CDK5RAP2: variants seen among roughly 807,000 people sequenced by gnomAD.
The protein encoded by CDK5RAP2 is CDK5 regulatory subunit associated protein 2, also known as CDK5 regulatory subunit-associated protein 2.
Under a neutral mutation model 232.9 loss-of-function variants are expected in CDK5RAP2, and 147 were observed. That is an observed-to-expected ratio of 0.63 (90% confidence interval 0.55 to 0.72). The LOEUF (loss-of-function observed/expected upper bound fraction) is 0.72, where lower values mean the gene tolerates loss of function less well. CDK5RAP2 is among the 30% of genes least tolerant of loss of function. The probability of loss-of-function intolerance (pLI) is 0.00; values close to 1 mark genes in which losing one functional copy is unlikely to be tolerated. For synonymous variants in CDK5RAP2, 833 were observed against 833.7 expected (o/e 1.00, Z 0.01); for missense variants, 2,195 against 2,231.5 (o/e 0.98, Z 0.33).
Position 120,539,106 on chromosome 9 carries a change from C to G in CDK5RAP2, c.442G>C (p.Asp148His), listed in dbSNP as rs191076951. ...ACCTGCTGCACCTTCTTTCGAGCAT[C>G]TTCTTTCACCCGCTGGATTTCAGAG... is the stretch of plus-strand genomic sequence containing the variant. ...GGSEIQRVKE[D>H]ARKKVQQVED... Residue 148 changes from aspartate (D) to histidine (H), a missense_variant, in exon 6 of 38, where the codon GAT (aspartate) becomes CAT (histidine). By Grantham distance (81) the Asp-to-His change is moderately conservative. Coordinates refer to ENST00000349780, the MANE Select transcript of CDK5RAP2 (RefSeq NM_018249.6). The G allele has an allele frequency of 6.2e-6, 10 of 1,614,064 alleles. No homozygotes were observed. In the East Asian group the frequency reaches 2.0e-4, roughly 32 times the overall value.
At chr9:120,418,753 G>A (rs985831545) in intron 27 of CDK5RAP2, among the ~76,000 whole-genome samples, 2 of 152,150 alleles carry the variant, frequency 1.3e-5, no homozygotes, top group Admixed American at 6.5e-5. Flanking sequence ...CCTCAGTTAC[G>A]CCAACAATGT....
rs774351947 is a variant in CDK5RAP2, at chr9:120,568,345, T to C, written c.171A>G (p.Ala57=). ...CATTTTCAAAGTCCTTCATGTTCCGTGCTCTGGTGGGAGACACTGTTTCTT... is the reference window on the plus strand; with the variant it reads ...CATTTTCAAAGTCCTTCATGTTCCGCGCTCTGGTGGGAGACACTGTTTCTT... The part of the protein sequence containing the change: ...VSEETVSPTR[A]RNMKDFENQI... The change falls in exon 3 of 38, where the codon GCA becomes GCG. Residue 57 remains alanine, a synonymous_variant. Coordinates refer to ENST00000349780, the MANE Select transcript of CDK5RAP2 (RefSeq NM_018249.6). The C allele has an allele frequency of 6.2e-7, 1 of 1,613,884 alleles. No individual in the cohort carries two copies. The highest frequency in any genetic ancestry group is 2.2e-5 in the East Asian group (1 of 44,892).
At chr9:120,392,170 T>C (rs2032046975) in intron 36 of CDK5RAP2, among the ~76,000 whole-genome samples, 1 of 152,182 alleles carries the variant, frequency 6.6e-6, no homozygotes. Context: ...GAGACTGTGC[T>C]AAGTACAATA....
At chr9:120,570,502 G>A (rs1410048356) in intron 2 of CDK5RAP2, among the ~76,000 whole-genome samples, 2 of 152,134 alleles carry the variant, frequency 1.3e-5, no homozygotes, top group Non-Finnish European at 2.9e-5. Flanking sequence ...TTAGCACTGA[G>A]CCCAGAGTCT....
intron 15 of CDK5RAP2, among the ~76,000 whole-genome samples, chr9:120,474,637 G>A (rs1463542398): frequency 6.6e-6 from 1 of 152,184 alleles, no homozygotes; most frequent in Non-Finnish European, 1.5e-5. Context: ...CCTTCACTGC[G>A]GAACACCGGG....
rs1298155067 is a variant in CDK5RAP2 at position 120,539,173 on chromosome 9, A to G, written c.384-9T>C. 1 of 1,613,854 alleles carries G rather than the reference A, an allele frequency of 6.2e-7. No homozygotes were observed. Among genetic ancestry groups the G allele is most frequent in the South Asian group, 1.1e-5 (1 of 91,076 alleles). On this transcript the variant is annotated splice_polypyrimidine_tract_variant and intron_variant, in intron 5 of 37. Transcript: ENST00000349780. ...AGCTCTCAACTGCTTTGCTGCAAAA[A>G]GAGGCACAGGGGTAAAACATGCAAG... is the stretch of plus-strand genomic sequence containing the variant.
chr9:120,408,040 A>T (rs2033597640), intron 31 of CDK5RAP2: 1 of 409,528 alleles, frequency 2.4e-6, no homozygotes, highest in African/African-American at 2.0e-5. Context: ...GTGCTGAGAG[A>T]CATGTTTTAC....
At chr9:120,414,819 C>T (rs1216703364) in intron 28 of CDK5RAP2, among the ~76,000 whole-genome samples, 2 of 152,240 alleles carry the variant, frequency 1.3e-5, no homozygotes, top group East Asian at 1.9e-4. Context: ...CAATATATTG[C>T]TTTGTTTTAT....
At chr9:120,484,374 T>C (rs1385349520) in intron 14 of CDK5RAP2, among the ~76,000 whole-genome samples, 5 of 152,210 alleles carry the variant, frequency 3.3e-5, no homozygotes, top group Non-Finnish European at 7.3e-5. Flanking sequence ...AAATTTACAA[T>C]TCTTAAGTGA....
intron 6 of CDK5RAP2, chr9:120,536,767 T>G: frequency 1.8e-6 from 1 of 560,016 alleles, no homozygotes; most frequent in Non-Finnish European, 3.2e-6. Flanking sequence ...AAGAACTGTA[T>G]TTTTGGTTTT....
intron 34 of CDK5RAP2, among the ~76,000 whole-genome samples, chr9:120,401,454 A>T (rs986856126): frequency 7.2e-5 from 11 of 152,000 alleles, no homozygotes; most frequent in Non-Finnish European, 1.2e-4. Flanking sequence ...TCTACAAAAA[A>T]ATAAAAAATT....
chr9:120,437,366 G>A lies in CDK5RAP2; in HGVS notation c.3884C>T (p.Ala1295Val). 1 of 1,614,052 alleles carries A rather than the reference G, an allele frequency of 6.2e-7. No individual in the cohort carries two copies. The highest frequency in any genetic ancestry group is 8.5e-7 in the Non-Finnish European group (1 of 1,179,984). ...LQASDVDYCV[A>V]EGFQEQLNQC... ...ATTCAGCTGTTCCTGGAAACCCTCG[G>A]CCACACAGTAATCCACATCACTGGC... is the stretch of plus-strand genomic sequence containing the variant. The change falls in exon 25 of 38, where the codon GCC becomes GTC. Residue 1295 changes from alanine (A) to valine (V), a missense_variant. Physicochemically the swap from Ala to Val is moderately conservative, Grantham distance 64. Coordinates refer to ENST00000349780, the MANE Select transcript of CDK5RAP2 (RefSeq NM_018249.6).
At chr9:120,516,153 T>C (rs866712619) in intron 12 of CDK5RAP2, among the ~76,000 whole-genome samples, 4 of 152,222 alleles carry the variant, frequency 2.6e-5, no homozygotes, top group South Asian at 2.1e-4. Context: ...TAAGAAAATG[T>C]GGCACATATA....
intron 36 of CDK5RAP2, among the ~76,000 whole-genome samples, chr9:120,392,740 T>C (rs1684519573): frequency 6.6e-6 from 1 of 152,134 alleles, no homozygotes; most frequent in South Asian, 2.1e-4. Flanking sequence ...CACGAAACCC[T>C]CAACCAGAAC....
intron 21 of CDK5RAP2, among the ~76,000 whole-genome samples, chr9:120,450,760 T>C (rs1260615016): frequency 6.6e-6 from 1 of 152,240 alleles, no homozygotes; most frequent in Non-Finnish European, 1.5e-5. Flanking sequence ...TTATCATTCT[T>C]ACTTTCCAGA....
At chr9:120,494,264 G>A (rs1316037020) in intron 12 of CDK5RAP2, among the ~76,000 whole-genome samples, 1 of 152,082 alleles carries the variant, frequency 6.6e-6, no homozygotes, top group Non-Finnish European at 1.5e-5. Context: ...AATCCTAGAG[G>A]CAATAACACT....
At chr9:120,458,349 A>G in intron 20 of CDK5RAP2, 101 bp downstream of exon 20, 1 of 1,122,908 alleles carries the variant, frequency 8.9e-7, no homozygotes, top group Non-Finnish European at 1.3e-6. Flanking sequence ...GAGCTCTCTC[A>G]GGTAAATTAC....
In CDK5RAP2 at chr9:120,476,143, G is replaced by A. The variant is rs2037996394; in HGVS notation, c.1727+1207C>T. 2.0e-5 allele frequency among the ~76,000 whole-genome samples: 3 copies of A among 151,978 alleles called. No individual in the cohort carries two copies. In the South Asian group the frequency reaches 6.3e-4, roughly 32 times the overall value. On this transcript the variant is annotated intron_variant, in intron 15 of 37. Coordinates refer to ENST00000349780, the MANE Select transcript of CDK5RAP2 (RefSeq NM_018249.6). ...AAGAGCTCACTATGGTAAGAGCAGA[G>A]GACATATGAGAGGGAGAAATGAGGG... is the stretch of plus-strand genomic sequence containing the variant.
At chr9:120,437,233 C>T in intron 25 of CDK5RAP2, 62 bp downstream of exon 25, 5 of 1,197,482 alleles carry the variant, frequency 4.2e-6, no homozygotes, top group Non-Finnish European at 3.7e-6. Context: ...CTCCTGTGCC[C>T]CTCCAAGAAG....
Sources: allele counts gnomAD v4.1 joint callset (sites outside exome capture counted in the v4.1 genomes callset), GRCh38; gene constraint gnomAD v4.1.1; transcripts MANE v1.5; gene names NCBI Gene and HGNC (gene_info 2026-07-23, HGNC 2026-07-21).